Variants in DCBLD1 observed in about 807,000 individuals in gnomAD.
The protein encoded by DCBLD1 is discoidin, CUB and LCCL domain-containing protein 1.
A neutral mutation model predicts 71.5 loss-of-function variants in DCBLD1; 57 were observed. The ratio of observed to expected loss-of-function variants is 0.80; its 90% CI spans 0.64 to 0.99. The LOEUF (loss-of-function observed/expected upper bound fraction) is 0.99, where lower values mean the gene tolerates loss of function less well. Among genes scored for constraint, DCBLD1 ranks in the 50% least tolerant of loss-of-function variants. DCBLD1 has a pLI of 0.00. For synonymous variants in DCBLD1, 380 were observed against 363.8 expected (o/e 1.04, Z -0.51); for missense variants, 891 against 923.5 (o/e 0.96, Z 0.46).
At chr6:117,505,720 A>C (rs1304400329) in intron 2 of DCBLD1, among the ~76,000 whole-genome samples, 1 of 152,130 alleles carries the variant, frequency 6.6e-6, no homozygotes, top group Non-Finnish European at 1.5e-5. Context: ...TAATCCTAAC[A>C]CTGGGAGGCC....
chr6:117,518,179 CAAGTTCA>C (rs1312667342), intron 2 of DCBLD1, among the ~76,000 whole-genome samples: 1 of 152,204 alleles, frequency 6.6e-6, no homozygotes, highest in Non-Finnish European at 1.5e-5. Context: ...TCATCTCTCT[CAAGTTCA>C]AAGTTCCACA....
At chr6:117,565,620 C>A (rs1779680790) in intron 14 of DCBLD1, among the ~76,000 whole-genome samples, 2 of 152,150 alleles carry the variant, frequency 1.3e-5, no homozygotes, top group Admixed American at 1.3e-4. Context: ...TTAATATCAT[C>A]ATCAATCTCA....
At position 117,549,392 on chromosome 6, in the gene DCBLD1, C is replaced by G; in HGVS notation, c.*953C>G. 1.0e-6 allele frequency: 1 copy of G among 985,396 alleles called. No homozygotes were observed. The highest frequency in any genetic ancestry group is 1.2e-6 in the Non-Finnish European group (1 of 829,928). The allele number at this position is 985,396 out of a possible 1,614,324, so 61.0% of individuals were successfully genotyped here. ...ATCGAGCTTTTCTACTGACATGAAA[C>G]TGTTGGAAACTGATCTCATTTTATA... On this transcript the variant is annotated 3_prime_UTR_variant, in exon 15 of 15. Coordinates refer to ENST00000338728, the MANE Select transcript of DCBLD1 (RefSeq NM_001366458.2).
At chr6:117,559,846 G>C (rs755004398) in intron 14 of DCBLD1, among the ~76,000 whole-genome samples, 2 of 152,036 alleles carry the variant, frequency 1.3e-5, no homozygotes, top group Non-Finnish European at 2.9e-5. Flanking sequence ...GTTGTATTCT[G>C]GGGAAAAGAC....
intron 2 of DCBLD1, 146 bp from the exon 3 acceptor site, chr6:117,519,670 T>C (rs1315854162): frequency 9.1e-7 from 1 of 1,098,854 alleles, no homozygotes; most frequent in African/African-American, 1.6e-5. Flanking sequence ...AGTCTGAGCG[T>C]CAAGCTAAAT....
intron 1 of DCBLD1, among the ~76,000 whole-genome samples, chr6:117,484,070 C>G (rs1340641041): frequency 2.0e-5 from 3 of 152,136 alleles, no homozygotes; most frequent in Non-Finnish European, 4.4e-5. Context: ...GTAATAAATA[C>G]GTAAGATTTT....
At chr6:117,484,465 C>T (rs1777015838) in intron 1 of DCBLD1, among the ~76,000 whole-genome samples, 1 of 152,208 alleles carries the variant, frequency 6.6e-6, no homozygotes, top group African/African-American at 2.4e-5. Flanking sequence ...CCTCCCACCT[C>T]AGCCTCCTGA....
At chr6:117,496,613 T>C (rs1777477421) in intron 1 of DCBLD1, among the ~76,000 whole-genome samples, 1 of 152,212 alleles carries the variant, frequency 6.6e-6, no homozygotes, top group African/African-American at 2.4e-5. Flanking sequence ...CACCCACACA[T>C]GGATGATTGT....
chr6:117,502,773 A>G (rs748867554), intron 1 of DCBLD1, among the ~76,000 whole-genome samples: 11 of 151,986 alleles, frequency 7.2e-5, no homozygotes, highest in Non-Finnish European at 1.5e-4. Context: ...AACCACAGAC[A>G]TTTTGCAATC....
intron 5 of DCBLD1, among the ~76,000 whole-genome samples, chr6:117,531,669 G>C (rs1366180422): frequency 1.3e-5 from 2 of 152,178 alleles, no homozygotes; most frequent in African/African-American, 4.8e-5. Flanking sequence ...ACTTCGTTAA[G>C]CTTTCTGTTC....
At chr6:117,521,339 CGAAAG>C (rs1468931970) in intron 3 of DCBLD1, among the ~76,000 whole-genome samples, 181 bp from the exon 4 acceptor site, 1 of 152,050 alleles carries the variant, frequency 6.6e-6, no homozygotes, top group African/African-American at 2.4e-5. Flanking sequence ...AAAAAAGAAA[CGAAAG>C]GAACTCATTA....
chr6:117,560,661 T>C (rs1333613109), intron 14 of DCBLD1: 2 of 195,974 alleles, frequency 1.0e-5, no homozygotes, highest in East Asian at 1.6e-4. Context: ...ATTTTAACAA[T>C]AGTCTCACCA....
At chr6:117,526,062 A>C (rs1223349461) in intron 5 of DCBLD1, among the ~76,000 whole-genome samples, 1 of 152,200 alleles carries the variant, frequency 6.6e-6, no homozygotes, top group Non-Finnish European at 1.5e-5. Flanking sequence ...GTTATTAGAA[A>C]TCTATAGCAA....
At position 117,482,716 on chromosome 6, in the gene DCBLD1, G is replaced by C. The variant is rs1441897203; in HGVS notation, c.-66G>C. The C allele has an allele frequency of 9.1e-7, 1 of 1,104,486 alleles. No individual in the cohort carries two copies. Among genetic ancestry groups the C allele is most frequent in the Non-Finnish European group, 1.1e-6 (1 of 907,244 alleles). The allele number at this position is 1,104,486 out of a possible 1,614,324, so 68.4% of individuals were successfully genotyped here. On this transcript the variant is annotated 5_prime_UTR_variant, in exon 1 of 15. Transcript: ENST00000338728. Reference sequence around the variant, plus strand: ...GTCCGCAGAGGAGGCGGCCCGGCCCGGGCAGCTGCGGCTCGGGATCCGTCG... The same window carrying C: ...GTCCGCAGAGGAGGCGGCCCGGCCCCGGCAGCTGCGGCTCGGGATCCGTCG...
rs553863660 is a variant in DCBLD1, at chr6:117,509,430, CAAA to C, written c.325+5453_325+5455del. Among the ~76,000 whole-genome samples the C allele has an allele frequency of 8.5e-4, 129 of 152,132 alleles. 1 individual carries two copies. The highest frequency in any genetic ancestry group is 3.0e-3 in the African/African-American group (123 of 41,482). ...TGAGTGACAGACGGAGACACTGTCT[CAAA>C]ATAAAATAAAACAAAATGGGCAAAA... On this transcript the variant is annotated intron_variant, in intron 2 of 14. Coordinates refer to ENST00000338728, the MANE Select transcript of DCBLD1 (RefSeq NM_001366458.2).
chr6:117,537,642 T>G (rs1369742745), intron 7 of DCBLD1, among the ~76,000 whole-genome samples: 1 of 149,528 alleles, frequency 6.7e-6, no homozygotes, highest in Non-Finnish European at 1.5e-5. Flanking sequence ...TTTTTCCTTT[T>G]TTCTCAGGTT....
chr6:117,548,601 C>G lies in DCBLD1; in HGVS notation c.*162C>G. 3 of 1,440,848 alleles carry G rather than the reference C, an allele frequency of 2.1e-6. No individual in the cohort carries two copies. The highest frequency in any genetic ancestry group is 2.7e-6 in the Non-Finnish European group (3 of 1,101,890). The allele number at this position is 1,440,848 out of a possible 1,614,324, so 89.3% of individuals were successfully genotyped here. On this transcript the variant is annotated 3_prime_UTR_variant, in exon 15 of 15. Transcript: ENST00000338728. The stretch of plus-strand genomic sequence containing the variant: ...AGGATCCTAGAGACAACCTGTCATA[C>G]TGTTTACAAAATTGTGCAGCTGGTT...
chr6:117,519,517 A>G (rs1437019530), intron 2 of DCBLD1, among the ~76,000 whole-genome samples: 3 of 152,154 alleles, frequency 2.0e-5, no homozygotes, highest in Non-Finnish European at 4.4e-5. Flanking sequence ...TTTACTACCT[A>G]ATGTGTTTGA....
At chr6:117,542,249 A>G (rs1279500722) in intron 11 of DCBLD1, among the ~76,000 whole-genome samples, 1 of 151,232 alleles carries the variant, frequency 6.6e-6, no homozygotes, top group Non-Finnish European at 1.5e-5. Context: ...CCGAGATCAC[A>G]CCACTGCACT....
Sources: gnomAD v4.1 joint callset for allele counts (sites outside exome capture counted in the v4.1 genomes callset) on GRCh38, gnomAD v4.1.1 for gene constraint, MANE v1.5 for transcripts, NCBI Gene and HGNC (gene_info 2026-07-23, HGNC 2026-07-21) for gene names.